Variants in RBFOX3 observed in about 807,000 individuals in gnomAD.
RBFOX3 encodes RNA binding protein fox-1 homolog 3.
In RBFOX3, 17 loss-of-function variants were observed where a neutral mutation model predicts 48.7. That is an observed-to-expected ratio of 0.35 (90% CI 0.24 to 0.52). RBFOX3 has a LOEUF of 0.52. Ranked by LOEUF, RBFOX3 falls within the 20% of genes least tolerant of loss-of-function variation. The pLI is 0.94. For missense variants in RBFOX3, 382 were observed against 497.5 expected, an observed-to-expected ratio of 0.77 and a Z score of 2.21; for synonymous variants, 212 against 209.5, an observed-to-expected ratio of 1.01 and a Z score of -0.10.
chr17:79,555,683 T>C (rs2091674229), intron 1 of RBFOX3, among the ~76,000 whole-genome samples: 1 of 11,986 alleles, frequency 8.3e-5, no homozygotes, highest in Non-Finnish European at 2.1e-4. Flanking sequence ...ATAGTCATGA[T>C]GGTGGTGATG....
At position 79,202,234 on chromosome 17, in the gene RBFOX3, A is replaced by G. The variant is rs530827128; in HGVS notation, c.-34+33532T>C. ...TGTGCTCTGTCCCGCTGTATCATCT[A>G]CAGGGGCCTCTTATCCACAGCAAAA... On this transcript the variant is annotated intron_variant, in intron 4 of 14. Coordinates refer to ENST00000693108, the MANE Select transcript of RBFOX3 (RefSeq NM_001350451.2). 3.3e-5 allele frequency among the ~76,000 whole-genome samples: 5 copies of G among 152,228 alleles called. No homozygotes were observed. The South Asian group carries it at 1.0e-3, about 32-fold the overall frequency.
chr17:79,523,426 A>G (rs1050127136), intron 1 of RBFOX3, among the ~76,000 whole-genome samples: 80 of 152,284 alleles, frequency 5.3e-4, no homozygotes, highest in African/African-American at 1.9e-3. Context: ...AGGGCGGGAA[A>G]CGGGCTGGAG....
intron 4 of RBFOX3, among the ~76,000 whole-genome samples, chr17:79,209,861 G>A (rs1264204008): frequency 6.6e-6 from 1 of 152,112 alleles, no homozygotes; most frequent in African/African-American, 2.4e-5. Context: ...GCCGGGCGTG[G>A]TGGTGGCCGC....
chr17:79,638,253 A>T, the RBFOX3 span, among the ~76,000 whole-genome samples: 5 of 152,024 alleles, frequency 3.3e-5, no homozygotes, highest in East Asian at 9.7e-4. Flanking sequence ...AGCAGACATA[A>T]GTCAAATAGA....
At chr17:79,626,199 G>C in the RBFOX3 span, among the ~76,000 whole-genome samples, 1 of 152,158 alleles carries the variant, frequency 6.6e-6, no homozygotes, top group Admixed American at 6.5e-5. Context: ...CAAGGGTCAG[G>C]TGGACCAGAA....
the RBFOX3 span, among the ~76,000 whole-genome samples, chr17:79,663,161 G>A: frequency 5.9e-5 from 9 of 152,218 alleles, no homozygotes; most frequent in South Asian, 6.2e-4. Flanking sequence ...CGCAAAGGAG[G>A]AAGGGGAGAT....
the RBFOX3 span, among the ~76,000 whole-genome samples, chr17:79,663,135 A>T: frequency 6.6e-6 from 1 of 152,142 alleles, no homozygotes; most frequent in Non-Finnish European, 1.5e-5. Context: ...TGGGGAGGAG[A>T]CATGGCTGTC....
At chr17:79,539,641 G>A (rs942498483) in intron 1 of RBFOX3, among the ~76,000 whole-genome samples, 5 of 152,260 alleles carry the variant, frequency 3.3e-5, no homozygotes, top group African/African-American at 4.8e-5. Flanking sequence ...GTCAGAGGTC[G>A]CCCCAGGAGA....
At chr17:79,651,305 G>C in the RBFOX3 span, among the ~76,000 whole-genome samples, 10 of 152,210 alleles carry the variant, frequency 6.6e-5, no homozygotes, top group African/African-American at 2.4e-4. Context: ...GCTCGATGCT[G>C]CAGGTCTTAA....
chr17:79,424,386 G>A (rs1244213883), intron 2 of RBFOX3, among the ~76,000 whole-genome samples: 2 of 152,160 alleles, frequency 1.3e-5, no homozygotes, highest in Non-Finnish European at 2.9e-5. Context: ...TGAAGCTGGG[G>A]CTTGGCAGGA....
Position 79,148,340 on chromosome 17 carries a change from G to A in RBFOX3, c.-33-32592C>T, listed in dbSNP as rs555865408. On this transcript the variant is annotated intron_variant, in intron 4 of 14. Coordinates refer to ENST00000693108, the MANE Select transcript of RBFOX3 (RefSeq NM_001350451.2). ...CAGAAACTCTTTCCTGGCTTGGGGC[G>A]GGTCCAAGTCTAGATGTTTCTAGAA... 3.9e-5 allele frequency among the ~76,000 whole-genome samples: 6 copies of A among 152,306 alleles called. No homozygotes were observed. The East Asian group carries it at 7.7e-4, about 20-fold the overall frequency.
chr17:79,170,140 G>GGAAGGA (rs761172496), intron 4 of RBFOX3, among the ~76,000 whole-genome samples: 1 of 123,186 alleles, frequency 8.1e-6, no homozygotes, highest in African/African-American at 4.0e-5. Context: ...GGAGGAAGGA[G>GGAAGGA]GGAAGGAAGG....
chr17:79,618,345 G>A, the RBFOX3 span, among the ~76,000 whole-genome samples: 3 of 152,296 alleles, frequency 2.0e-5, no homozygotes, highest in South Asian at 6.2e-4. Context: ...CTTGTCTTGA[G>A]TGGGACGTGA....
rs1232745393 is a variant in RBFOX3 at position 79,160,045 on chromosome 17, C to A, written c.-33-44297G>T. 5.9e-5 allele frequency among the ~76,000 whole-genome samples: 9 copies of A among 152,386 alleles called. No individual in the cohort carries two copies. In the Middle Eastern group the frequency reaches 0.017, roughly 288 times the overall value. On this transcript the variant is annotated intron_variant, in intron 4 of 14. Transcript: ENST00000693108. Reference sequence around the variant, plus strand: ...CCTCCCTGGCCCCAGGAAGGGCCAACAGGCAGCAAGGGCTGCCTTCCCCAG... The same window carrying A: ...CCTCCCTGGCCCCAGGAAGGGCCAAAAGGCAGCAAGGGCTGCCTTCCCCAG...
chr17:79,251,099 G>T (rs946428780), intron 3 of RBFOX3, among the ~76,000 whole-genome samples: 1 of 151,966 alleles, frequency 6.6e-6, no homozygotes, highest in South Asian at 2.1e-4. Flanking sequence ...TGCCGCGCCC[G>T]GCCTATCCCT....
chr17:79,419,499 G>A (rs1555720876), intron 2 of RBFOX3, among the ~76,000 whole-genome samples: 1 of 152,208 alleles, frequency 6.6e-6, no homozygotes, highest in African/African-American at 2.4e-5. Flanking sequence ...CTGTGTGCAT[G>A]TACACACACG....
At chr17:79,529,969 C>A (rs1398941548) in intron 1 of RBFOX3, among the ~76,000 whole-genome samples, 1 of 152,214 alleles carries the variant, frequency 6.6e-6, no homozygotes, top group African/African-American at 2.4e-5. Flanking sequence ...GAGGCTGAGA[C>A]CATCTGGCCT....
intron 1 of RBFOX3, among the ~76,000 whole-genome samples, chr17:79,608,982 G>A (rs1463778878): frequency 6.7e-6 from 1 of 150,334 alleles, no homozygotes; most frequent in Non-Finnish European, 1.5e-5. Context: ...GACCTGGGGC[G>A]CCCCTGCAAG....
intron 1 of RBFOX3, among the ~76,000 whole-genome samples, chr17:79,554,512 G>GTCACCC (rs1599138279): frequency 7.9e-6 from 1 of 126,368 alleles, no homozygotes; most frequent in African/African-American, 2.7e-5. Context: ...ACCTGGCCCT[G>GTCACCC]CTGGCCCTTT....
Sources: gnomAD v4.1 joint callset for allele counts (sites outside exome capture counted in the v4.1 genomes callset) on GRCh38, gnomAD v4.1.1 for gene constraint, MANE v1.5 for transcripts, NCBI Gene and HGNC (gene_info 2026-07-23, HGNC 2026-07-21) for gene names.